Variants in KCTD7 observed in about 807,000 individuals in gnomAD.
The protein encoded by KCTD7 is BTB/POZ domain-containing protein KCTD7.
A neutral mutation model predicts 27.0 loss-of-function variants in KCTD7; 15 were observed. That is an observed-to-expected ratio of 0.56 (90% CI 0.37 to 0.86). KCTD7 has a LOEUF of 0.86. Ranked by LOEUF, KCTD7 falls within the 40% of genes least tolerant of loss-of-function variation. The pLI is 0.00. For synonymous variants in KCTD7, 159 were observed against 162.7 expected (o/e 0.98, Z 0.17); for missense variants, 299 against 398.9 (o/e 0.75, Z 2.13).
Position 66,641,643 on chromosome 7 carries a change from G to A in KCTD7, c.*2411G>A, listed in dbSNP as rs574218835. On this transcript the variant is annotated 3_prime_UTR_variant, in exon 4 of 4. Transcript: ENST00000639828. The stretch of plus-strand genomic sequence containing the variant: ...TATTCTGTGCCACTGTAGGACACAA[G>A]GCTCTGGGCCAGTAGAACAGGCAGA... 1 of 985,240 alleles carries A rather than the reference G, an allele frequency of 1.0e-6. No individual in the cohort carries two copies. Among genetic ancestry groups the A allele is most frequent in the Non-Finnish European group, 1.2e-6 (1 of 829,906 alleles). The allele number at this position is 985,240 out of a possible 1,614,324, so 61.0% of individuals were successfully genotyped here. A position where few individuals can be genotyped will look rare whatever the true frequency, so the allele number is the denominator to read the frequency against.
chr7:66,641,317 G>A lies in KCTD7; in HGVS notation c.*2085G>A. ...ATATGTGTTCATTTTTTGACAGAGA[G>A]GCAGACTATTGAAAAAGTCTGTGTG... is the stretch of plus-strand genomic sequence containing the variant. On this transcript the variant is annotated 3_prime_UTR_variant, in exon 4 of 4. Coordinates refer to ENST00000639828, the MANE Select transcript of KCTD7 (RefSeq NM_153033.5). 1.0e-6 allele frequency: 1 copy of A among 985,286 alleles called. No homozygotes were observed. The highest frequency in any genetic ancestry group is 1.2e-6 in the Non-Finnish European group (1 of 829,884). 61.0% of individuals were successfully genotyped at this position (985,286 alleles called of 1,614,324 possible).
Position 66,639,097 on chromosome 7 carries a change from G to T in KCTD7, c.735G>T (p.Leu245=), listed in dbSNP as rs1254720686. ...WEAVADVYDL[L]HCLVTDLSAQ... Reference sequence around the variant, plus strand: ...CTGTGGCTGATGTTTATGACCTGCTGCACTGCCTGGTCACGGACCTCTCGG... The same window carrying T: ...CTGTGGCTGATGTTTATGACCTGCTTCACTGCCTGGTCACGGACCTCTCGG... Residue 245 remains leucine (L), a synonymous_variant, in exon 4 of 4, where the codon CTG becomes CTT. Coordinates refer to ENST00000639828, the MANE Select transcript of KCTD7 (RefSeq NM_153033.5). 7 of 1,614,036 alleles carry T rather than the reference G, an allele frequency of 4.3e-6. No homozygotes were observed. The highest frequency in any genetic ancestry group is 5.9e-6 in the Non-Finnish European group (7 of 1,180,030).
At chr7:66,632,283 C>T (rs532061490) in intron 1 of KCTD7, among the ~76,000 whole-genome samples, 8 of 151,890 alleles carry the variant, frequency 5.3e-5, no homozygotes, top group East Asian at 3.9e-4. Flanking sequence ...GTCAGGAGAT[C>T]GAGACAATCC....
At position 66,638,396 on chromosome 7, in the gene KCTD7, G is replaced by A. The variant is rs765235486; in HGVS notation, c.458G>A (p.Arg153His). The change falls in exon 3 of 4, where the codon CGC becomes CAC. Residue 153 changes from arginine to histidine, a missense_variant. Arg to His is a conservative substitution (Grantham distance 29). Coordinates refer to ENST00000639828, the MANE Select transcript of KCTD7 (RefSeq NM_153033.5). ...NMQPLKGEKV[R>H]QAFLGLMPYY... ...CAGCCACTGAAGGGCGAGAAGGTGCGCCAAGCGTTTCTGGGACTCATGCCC... is the reference window on the plus strand; with the variant it reads ...CAGCCACTGAAGGGCGAGAAGGTGCACCAAGCGTTTCTGGGACTCATGCCC... The A allele has an allele frequency of 8.4e-5, 136 of 1,614,120 alleles. No individual in the cohort carries two copies. Among genetic ancestry groups the A allele is most frequent in the South Asian group, 1.3e-4 (12 of 91,086 alleles).
At chr7:66,631,564 G>A (rs1208245017) in intron 1 of KCTD7, among the ~76,000 whole-genome samples, 7 of 138,400 alleles carry the variant, frequency 5.1e-5, no homozygotes, top group Non-Finnish European at 7.8e-5. Flanking sequence ...ATGAGATTCC[G>A]TCTCAAAAAA....
intron 2 of KCTD7, among the ~76,000 whole-genome samples, chr7:66,635,832 A>G (rs904089282): frequency 2.6e-5 from 4 of 151,454 alleles, no homozygotes; most frequent in Admixed American, 6.6e-5. Context: ...TGGGGAAGGA[A>G]AGTGCCGGCC....
At position 66,640,630 on chromosome 7, in the gene KCTD7, A is replaced by T. The variant is rs73375381; in HGVS notation, c.*1398A>T. The T allele has an allele frequency of 4.5e-4, 618 of 1,375,680 alleles. 2 individuals carry two copies. The African/African-American group carries it at 8.5e-3, about 19-fold the overall frequency. 85.2% of individuals were successfully genotyped at this position (1,375,680 alleles called of 1,614,324 possible). ...TTTTTTTTTAATGTGTAAAGAATTG[A>T]TGCGAGCCAGGAACATGTCTGTAGT... On this transcript the variant is annotated 3_prime_UTR_variant, in exon 4 of 4. Coordinates refer to ENST00000639828, the MANE Select transcript of KCTD7 (RefSeq NM_153033.5).
chr7:66,629,317 G>A (rs905195884), intron 1 of KCTD7, 109 bp downstream of exon 1: 2 of 835,230 alleles, frequency 2.4e-6, no homozygotes, highest in Non-Finnish European at 3.1e-6. Flanking sequence ...TTGGGGGCGG[G>A]GCCCGCGGAC....
chr7:66,640,409 C>T lies in KCTD7; in HGVS notation c.*1177C>T. ...TCTATTTCAGAAATTGAAAAAGATC[C>T]CCAAGGATCTGTTACTACTGCATTT... On this transcript the variant is annotated 3_prime_UTR_variant, in exon 4 of 4. Coordinates refer to ENST00000639828, the MANE Select transcript of KCTD7 (RefSeq NM_153033.5). 1 of 1,537,244 alleles carries T rather than the reference C, an allele frequency of 6.5e-7. No individual in the cohort carries two copies. Among genetic ancestry groups the T allele is most frequent in the Non-Finnish European group, 8.7e-7 (1 of 1,146,902 alleles).
chr7:66,638,260 C>T lies in KCTD7; in HGVS notation c.322C>T (p.Leu108=). 1.2e-6 allele frequency: 2 copies of T among 1,614,230 alleles called. No homozygotes were observed. The highest frequency in any genetic ancestry group is 1.7e-6 in the Non-Finnish European group (2 of 1,180,040). The change falls in exon 3 of 4, where the codon CTG becomes TTG. Residue 108 remains leucine, a synonymous_variant. Transcript: ENST00000639828. ...TCTTTCCTTCCTGCTTAGAGATGTG[C>T]TGAATTTCCTGCGCTCAGGGGACCT... The part of the protein sequence containing the change: ...DRDGTHFGDV[L]NFLRSGDLPP...
Position 66,642,860 on chromosome 7 carries a change from G to A in KCTD7, c.*3628G>A. On this transcript the variant is annotated 3_prime_UTR_variant, in exon 4 of 4. Transcript: ENST00000639828. ...GGGTTGAGGGAGGTGGGAACAAACA[G>A]TGAGTATGGGAACAGGCAGTCACCT... 2.0e-6 allele frequency: 2 copies of A among 985,506 alleles called. No homozygotes were observed. Among genetic ancestry groups the A allele is most frequent in the Non-Finnish European group, 2.4e-6 (2 of 830,020 alleles). The allele number at this position is 985,506 out of a possible 1,614,324, so 61.0% of individuals were successfully genotyped here. A position where few individuals can be genotyped will look rare whatever the true frequency, so the allele number is the denominator to read the frequency against.
intron 1 of KCTD7, among the ~76,000 whole-genome samples, chr7:66,629,705 G>C (rs1396353686): frequency 2.0e-5 from 3 of 152,082 alleles, no homozygotes; most frequent in Non-Finnish European, 2.9e-5. Context: ...TTTTGGGTTG[G>C]ATGAATAAAA....
chr7:66,641,350 A>G lies in KCTD7; in HGVS notation c.*2118A>G. The G allele has an allele frequency of 1.0e-6, 1 of 985,388 alleles. No homozygotes were observed. Among genetic ancestry groups the G allele is most frequent in the Non-Finnish European group, 1.2e-6 (1 of 829,924 alleles). 61.0% of individuals were successfully genotyped at this position (985,388 alleles called of 1,614,324 possible). On this transcript the variant is annotated 3_prime_UTR_variant, in exon 4 of 4. Coordinates refer to ENST00000639828, the MANE Select transcript of KCTD7 (RefSeq NM_153033.5). ...ATTGAAAAAGTCTGTGTGAACAGAG[A>G]GCAGTTCATTAAGCCCATTGCTTTC...
Position 66,642,265 on chromosome 7 carries a change from T to C in KCTD7, c.*3033T>C, listed in dbSNP as rs1860468. On this transcript the variant is annotated 3_prime_UTR_variant, in exon 4 of 4. Coordinates refer to ENST00000639828, the MANE Select transcript of KCTD7 (RefSeq NM_153033.5). ...GAATCATCACCTTCCTTATTTTACC[T>C]CTGCCTTGTTCACCAGGCTGCCCAG... 473,759 of 985,032 alleles carry C rather than the reference T, an allele frequency of 0.48. 115,574 individuals are homozygous for C. Among genetic ancestry groups the C allele is most frequent in the African/African-American group, 0.66 (37,582 of 57,282 alleles). The allele number at this position is 985,032 out of a possible 1,614,324, so 61.0% of individuals were successfully genotyped here.
At chr7:66,636,341 C>T (rs1414880915) in intron 2 of KCTD7, among the ~76,000 whole-genome samples, 4 of 151,916 alleles carry the variant, frequency 2.6e-5, no homozygotes, top group East Asian at 1.9e-4. Flanking sequence ...CCTCTGGCAG[C>T]GGTGGCTACT....
At position 66,638,554 on chromosome 7, in the gene KCTD7, G is replaced by T. The variant is rs978399798; in HGVS notation, c.493+123G>T. ...CATCCAGATTACTCAAGATGCGATG[G>T]AGTGTCATCCCTTCCCAGTCACGCT... On this transcript the variant is annotated intron_variant, in intron 3 of 3. Transcript: ENST00000639828. 11 of 1,110,226 alleles carry T rather than the reference G, an allele frequency of 9.9e-6. No homozygotes were observed. The African/African-American group carries it at 1.7e-4, about 17-fold the overall frequency. 68.8% of individuals were successfully genotyped at this position (1,110,226 alleles called of 1,614,324 possible).
Position 66,642,546 on chromosome 7 carries a change from AACT to A in KCTD7, c.*3318_*3320del, listed in dbSNP as rs1254497589. 1 of 985,328 alleles carries A rather than the reference AACT, an allele frequency of 1.0e-6. No individual in the cohort carries two copies. The highest frequency in any genetic ancestry group is 1.2e-6 in the Non-Finnish European group (1 of 829,856). The allele number at this position is 985,328 out of a possible 1,614,324, so 61.0% of individuals were successfully genotyped here. ...AAGCAAACAGCAATAACAAAACAAA[AACT>A]ACTGATGCTGAGCGTTTTGATCCTA... On this transcript the variant is annotated 3_prime_UTR_variant, in exon 4 of 4. Coordinates refer to ENST00000639828, the MANE Select transcript of KCTD7 (RefSeq NM_153033.5).
chr7:66,642,794 G>T lies in KCTD7; in HGVS notation c.*3562G>T. The T allele has an allele frequency of 2.0e-6, 2 of 985,326 alleles. No individual in the cohort carries two copies. The highest frequency in any genetic ancestry group is 2.4e-6 in the Non-Finnish European group (2 of 829,928). The allele number at this position is 985,326 out of a possible 1,614,324, so 61.0% of individuals were successfully genotyped here. On this transcript the variant is annotated 3_prime_UTR_variant, in exon 4 of 4. Coordinates refer to ENST00000639828, the MANE Select transcript of KCTD7 (RefSeq NM_153033.5). ...TTGGAATTCTGAAAGAATCATATCT[G>T]TGTATATACATACTGAGTGGGGAAG...
In KCTD7 at chr7:66,642,018, G is replaced by C; in HGVS notation, c.*2786G>C. On this transcript the variant is annotated 3_prime_UTR_variant, in exon 4 of 4. Coordinates refer to ENST00000639828, the MANE Select transcript of KCTD7 (RefSeq NM_153033.5). ...ATCCCTCTCACTTGACAAGGGACTG[G>C]ATTCATCTTGCCTTGAGACGGGCCA... is the stretch of plus-strand genomic sequence containing the variant. The C allele has an allele frequency of 1.0e-6, 1 of 985,370 alleles. No homozygotes were observed. Among genetic ancestry groups the C allele is most frequent in the Non-Finnish European group, 1.2e-6 (1 of 829,914 alleles). 61.0% of individuals were successfully genotyped at this position (985,370 alleles called of 1,614,324 possible). A position where few individuals can be genotyped will look rare whatever the true frequency, so the allele number is the denominator to read the frequency against.
Sources: gnomAD v4.1 joint callset for allele counts (sites outside exome capture counted in the v4.1 genomes callset) on GRCh38, gnomAD v4.1.1 for gene constraint, MANE v1.5 for transcripts, NCBI Gene and HGNC (gene_info 2026-07-23, HGNC 2026-07-21) for gene names.